The following ASPH variants were observed in gnomAD, a reference collection of about 807,000 sequenced individuals.
ASPH encodes aspartyl/asparaginyl beta-hydroxylase.
Under a neutral mutation model 118.4 loss-of-function variants are expected in ASPH, and 100 were observed. The ratio of observed to expected loss-of-function variants is 0.84; its 90% confidence interval spans 0.72 to 1.00. ASPH has a LOEUF of 1.00. Ranked by LOEUF, ASPH falls within the 50% of genes least tolerant of loss-of-function variation. The probability of loss-of-function intolerance (pLI) is 0.00; values close to 1 mark genes in which losing one functional copy is unlikely to be tolerated. For missense variants in ASPH, 920 were observed against 919.5 expected, an observed-to-expected ratio of 1.00 and a Z score of -0.01; for synonymous variants, 315 against 325.6, an observed-to-expected ratio of 0.97 and a Z score of 0.35.
At chr8:61,598,012 A>G (rs1174899818) in intron 14 of ASPH, among the ~76,000 whole-genome samples, 1 of 152,242 alleles carries the variant, frequency 6.6e-6, no homozygotes, top group Non-Finnish European at 1.5e-5. Flanking sequence ...TTACCAGTAC[A>G]GAAAACTACC....
At chr8:61,581,544 T>A (rs1406451728) in intron 15 of ASPH, among the ~76,000 whole-genome samples, 1 of 152,182 alleles carries the variant, frequency 6.6e-6, no homozygotes, top group Non-Finnish European at 1.5e-5. Flanking sequence ...TTTGCATCCA[T>A]CAGTATACCT....
intron 5 of ASPH, among the ~76,000 whole-genome samples, chr8:61,647,647 G>A (rs1009769769): frequency 2.6e-5 from 4 of 151,450 alleles, no homozygotes; most frequent in Admixed American, 6.6e-5. Context: ...CTCCAGCCTG[G>A]GTGACACAGT....
At chr8:61,665,664 G>C (rs1819214874) in intron 3 of ASPH, 5 of 1,478,058 alleles carry the variant, frequency 3.4e-6, no homozygotes, top group Non-Finnish European at 4.5e-6. Flanking sequence ...CTTAATCACA[G>C]AACAGGAAGT....
chr8:61,501,449 C>T lies in ASPH; in HGVS notation c.*1910G>A, dbSNP rs1453821277. On this transcript the variant is annotated 3_prime_UTR_variant, in exon 25 of 25. Transcript: ENST00000379454. Reference sequence around the variant, plus strand: ...TAGTTTTTACTCTCTTCCATAATTTCATTACATGAATGTAAGATGATGGCT... The same window carrying T: ...TAGTTTTTACTCTCTTCCATAATTTTATTACATGAATGTAAGATGATGGCT... The T allele has an allele frequency of 1.3e-5, 2 of 152,120 alleles. No individual in the cohort carries two copies. Among genetic ancestry groups the T allele is most frequent in the African/African-American group, 2.4e-5 (1 of 41,440 alleles). The allele number at this position is 152,120 out of a possible 1,614,324, so 9.4% of individuals were successfully genotyped here. A position where few individuals can be genotyped will look rare whatever the true frequency, so the allele number is the denominator to read the frequency against.
At chr8:61,655,852 CA>C (rs1169051726) in intron 3 of ASPH, among the ~76,000 whole-genome samples, 6 of 151,366 alleles carry the variant, frequency 4.0e-5, no homozygotes, top group African/African-American at 1.2e-4. Context: ...GAAATCAGTA[CA>C]AAAAAAAATT....
At chr8:61,646,283 C>T (rs920615606) in intron 6 of ASPH, among the ~76,000 whole-genome samples, 3 of 152,110 alleles carry the variant, frequency 2.0e-5, no homozygotes, top group Non-Finnish European at 4.4e-5. Flanking sequence ...AGAGTCTGTA[C>T]GATCCAGAAA....
chr8:61,616,514 T>C (rs753380066), intron 14 of ASPH, among the ~76,000 whole-genome samples: 2 of 152,178 alleles, frequency 1.3e-5, no homozygotes, highest in Non-Finnish European at 2.9e-5. Context: ...AATGTGTAAA[T>C]GAGAAAGGGC....
At chr8:61,642,588 G>A (rs918221272) in intron 10 of ASPH, among the ~76,000 whole-genome samples, 14 of 152,112 alleles carry the variant, frequency 9.2e-5, no homozygotes, top group Admixed American at 5.9e-4. Flanking sequence ...TTTGCAGGCC[G>A]GGCGCAGTGG....
intron 21 of ASPH, among the ~76,000 whole-genome samples, chr8:61,543,122 C>T (rs1822556662): frequency 6.6e-6 from 1 of 151,700 alleles, no homozygotes; most frequent in African/African-American, 2.4e-5. Context: ...CTGAGTTTAT[C>T]CTCCTTATAA....
rs538636340 is a variant in ASPH, at chr8:61,502,032, T to G, written c.*1327A>C. 1.3e-5 allele frequency: 2 copies of G among 152,332 alleles called. No homozygotes were observed. Among genetic ancestry groups the G allele is most frequent in the East Asian group, 3.9e-4 (2 of 5,190 alleles). The allele number at this position is 152,332 out of a possible 1,614,324, so 9.4% of individuals were successfully genotyped here. On this transcript the variant is annotated 3_prime_UTR_variant, in exon 25 of 25. Transcript: ENST00000379454. ...TCTAACATTCCTAGTTAGCTTTGAT[T>G]CAAAATATACAAAATCTGATACATG... is the stretch of plus-strand genomic sequence containing the variant.
chr8:61,530,092 T>C (rs927957307), intron 21 of ASPH, among the ~76,000 whole-genome samples: 1 of 152,214 alleles, frequency 6.6e-6, no homozygotes, highest in Non-Finnish European at 1.5e-5. Context: ...TTGTCTTCAA[T>C]GGCAAATAAT....
chr8:61,557,207 G>A (rs963647739), intron 18 of ASPH, among the ~76,000 whole-genome samples: 1 of 152,034 alleles, frequency 6.6e-6, no homozygotes, highest in Non-Finnish European at 1.5e-5. Flanking sequence ...CTAAATCCTA[G>A]GTCAGATCTC....
chr8:61,540,802 G>A (rs919192160), intron 21 of ASPH, among the ~76,000 whole-genome samples: 2 of 152,180 alleles, frequency 1.3e-5, no homozygotes, highest in African/African-American at 4.8e-5. Flanking sequence ...GAATGAAAAT[G>A]TGCTATCAGG....
At chr8:61,506,163 A>T (rs1806475530) in intron 24 of ASPH, among the ~76,000 whole-genome samples, 1 of 152,236 alleles carries the variant, frequency 6.6e-6, no homozygotes, top group Non-Finnish European at 1.5e-5. Context: ...GGAAATTTTG[A>T]CACATGCTAC....
intron 18 of ASPH, among the ~76,000 whole-genome samples, chr8:61,558,657 C>G (rs745962332): frequency 1.3e-5 from 2 of 152,240 alleles, no homozygotes; most frequent in Non-Finnish European, 2.9e-5. Context: ...GGGCAGCTGA[C>G]AGTGCTGCCC....
chr8:61,581,154 A>T (rs1212217290), intron 15 of ASPH, among the ~76,000 whole-genome samples: 3 of 152,238 alleles, frequency 2.0e-5, no homozygotes, highest in African/African-American at 7.2e-5. Flanking sequence ...TGCAAGACAG[A>T]GGCTCTGTGA....
chr8:61,703,152 A>G (rs1459996142), intron 1 of ASPH, among the ~76,000 whole-genome samples: 1 of 152,236 alleles, frequency 6.6e-6, no homozygotes, highest in Non-Finnish European at 1.5e-5. Context: ...CAATCCAATG[A>G]AAAGCATCTA....
At chr8:61,668,136 T>G in intron 3 of ASPH, 3 of 1,231,304 alleles carry the variant, frequency 2.4e-6, no homozygotes, top group Non-Finnish European at 3.5e-6. Context: ...GCAATAGTGT[T>G]TAGCATTAGT....
intron 3 of ASPH, among the ~76,000 whole-genome samples, chr8:61,677,311 T>A (rs1350641856): frequency 6.6e-6 from 1 of 152,118 alleles, no homozygotes; most frequent in East Asian, 1.9e-4. Flanking sequence ...CTAGTAGGTA[T>A]CAGAATCTAC....
Sources: gnomAD v4.1 joint callset for allele counts (sites outside exome capture counted in the v4.1 genomes callset) on GRCh38, gnomAD v4.1.1 for gene constraint, MANE v1.5 for transcripts, NCBI Gene and HGNC (gene_info 2026-07-23, HGNC 2026-07-21) for gene names.